The following XYLT1 variants were observed in gnomAD, a reference collection of about 807,000 sequenced individuals.
The protein encoded by XYLT1 is beta-D-xylosyltransferase 1.
Under a neutral mutation model 91.3 loss-of-function variants are expected in XYLT1, and 36 were observed. That is an observed-to-expected ratio of 0.39 (90% confidence interval 0.30 to 0.52). The LOEUF is 0.52. Among genes scored for constraint, XYLT1 ranks in the 20% least tolerant of loss-of-function variants. The pLI is 0.68. For synonymous variants in XYLT1, 588 were observed against 532.0 expected (o/e 1.11, Z -1.45); for missense variants, 1,242 against 1,284.5 (o/e 0.97, Z 0.51).
At chr16:17,134,246 G>A (rs1007283792) in intron 9 of XYLT1, among the ~76,000 whole-genome samples, 4 of 152,138 alleles carry the variant, frequency 2.6e-5, no homozygotes, top group Non-Finnish European at 4.4e-5. Context: ...TAAAATCATT[G>A]GGTACATAGG....
intron 1 of XYLT1, among the ~76,000 whole-genome samples, chr16:17,379,757 TCTCTCTCACACACA>T (rs2035650598): frequency 7.7e-6 from 1 of 129,924 alleles, no homozygotes; most frequent in Non-Finnish European, 1.6e-5. Flanking sequence ...TCTCTCTCTC[TCTCTCTCACACACA>T]CACACACACA....
intron 2 of XYLT1, among the ~76,000 whole-genome samples, chr16:17,307,311 G>A (rs938085044): frequency 2.0e-5 from 3 of 152,144 alleles, no homozygotes; most frequent in Non-Finnish European, 2.9e-5. Context: ...TCCTGACCTC[G>A]TGATCGGCCC....
Position 17,141,317 on chromosome 16 carries a change from T to A in XYLT1, c.1423A>T (p.Met475Leu). Residue 475 changes from methionine (M) to leucine (L), a missense_variant, in exon 7 of 12, where the codon ATG becomes TTG. Around this residue, in one of 3 missense-constraint regions of XYLT1, gnomAD observed 294 missense variants for 376.0 expected, o/e 0.78. Coordinates refer to ENST00000261381, the MANE Select transcript of XYLT1 (RefSeq NM_022166.4). ...ATCCGCCGATCTCCCAGGCGCCACA[T>A]GTGAGCGTCGCACTCCAGGAAGAGC... is the stretch of plus-strand genomic sequence containing the variant. ...DRLFLECDAH[M>L]WRLGDRRIPE... The A allele has an allele frequency of 1.2e-6, 2 of 1,614,116 alleles. No homozygotes were observed. Among genetic ancestry groups the A allele is most frequent in the Non-Finnish European group, 1.7e-6 (2 of 1,180,014 alleles).
At position 17,264,149 on chromosome 16, in the gene XYLT1, ACAG is replaced by A. The variant is rs2141764526; in HGVS notation, c.403-4654_403-4652del. On this transcript the variant is annotated intron_variant, in intron 2 of 11. Coordinates refer to ENST00000261381, the MANE Select transcript of XYLT1 (RefSeq NM_022166.4). The stretch of plus-strand genomic sequence containing the variant: ...ACTATATTGTTGGCTATAGTACTGC[ACAG>A]CAGGTCTCTATGGCTTCTTCATTGT... Among the ~76,000 whole-genome samples, 2 of 152,306 alleles carry A rather than the reference ACAG, an allele frequency of 1.3e-5. 1 individual carries two copies. Among genetic ancestry groups the A allele is most frequent in the South Asian group, 4.1e-4 (2 of 4,820 alleles).
At chr16:17,164,403 T>C (rs1392836283) in intron 5 of XYLT1, among the ~76,000 whole-genome samples, 1 of 152,116 alleles carries the variant, frequency 6.6e-6, no homozygotes, top group Admixed American at 6.6e-5. Flanking sequence ...TTAACCATTT[T>C]TCAGTGTACA....
At position 17,312,626 on chromosome 16, in the gene XYLT1, G is replaced by T. The variant is rs532879632; in HGVS notation, c.402+45386C>A. Reference sequence around the variant, plus strand: ...GTACAATACTGTTAACGGGACTGCAGATTTTGTTTTTGTTTTCACCCATTT... The same window carrying T: ...GTACAATACTGTTAACGGGACTGCATATTTTGTTTTTGTTTTCACCCATTT... On this transcript the variant is annotated intron_variant, in intron 2 of 11. Transcript: ENST00000261381. This position sits in a 1 kb window ranked among gnomAD's most constrained non-coding sequence, Gnocchi z 4.4. Among the ~76,000 whole-genome samples, 1 of 152,154 alleles carries T rather than the reference G, an allele frequency of 6.6e-6. No homozygotes were observed. Among genetic ancestry groups the T allele is most frequent in the Non-Finnish European group, 1.5e-5 (1 of 68,024 alleles).
chr16:17,428,391 C>G lies in XYLT1; in HGVS notation c.363+42043G>C, dbSNP rs550116888. Among the ~76,000 whole-genome samples the G allele has an allele frequency of 3.3e-5, 5 of 152,258 alleles. No individual in the cohort carries two copies. The South Asian group carries it at 1.0e-3, about 32-fold the overall frequency. ...GACCCTGTCACTTTCCAGCTGTGTG[C>G]TCTTGACCATGTTAAATCTGAGAGC... On this transcript the variant is annotated intron_variant, in intron 1 of 11. Coordinates refer to ENST00000261381, the MANE Select transcript of XYLT1 (RefSeq NM_022166.4).
chr16:17,403,698 A>T (rs2035995480), intron 1 of XYLT1, among the ~76,000 whole-genome samples: 1 of 152,124 alleles, frequency 6.6e-6, no homozygotes, highest in Admixed American at 6.5e-5. Context: ...TCAAGAAGAG[A>T]CTTGGGTGTG....
chr16:17,458,345 G>C lies in XYLT1; in HGVS notation c.363+12089C>G, dbSNP rs545080603. Among the ~76,000 whole-genome samples, 13 of 152,236 alleles carry C rather than the reference G, an allele frequency of 8.5e-5. No individual in the cohort carries two copies. In the East Asian group the frequency reaches 2.5e-3, roughly 29 times the overall value. On this transcript the variant is annotated intron_variant, in intron 1 of 11. Transcript: ENST00000261381. ...CATGCTAATTTCATGTCCAACACTTGGGGGAATAGAGTACAAATACTCAAC... is the reference window on the plus strand; with the variant it reads ...CATGCTAATTTCATGTCCAACACTTCGGGGAATAGAGTACAAATACTCAAC...
In XYLT1 at chr16:17,120,521, G is replaced by A. The variant is rs541645608; in HGVS notation, c.2224-2542C>T. ...TCTCTGGACCGGTCTACCTTTCCCC[G>A]CATCCTCCAGGCCACCTCAAACTTG... is the stretch of plus-strand genomic sequence containing the variant. On this transcript the variant is annotated intron_variant, in intron 10 of 11. Coordinates refer to ENST00000261381, the MANE Select transcript of XYLT1 (RefSeq NM_022166.4). 7.2e-5 allele frequency among the ~76,000 whole-genome samples: 11 copies of A among 151,982 alleles called. No individual in the cohort carries two copies. The East Asian group carries it at 1.2e-3, about 16-fold the overall frequency.
chr16:17,149,347 A>G (rs991286905), intron 6 of XYLT1, among the ~76,000 whole-genome samples: 2 of 152,190 alleles, frequency 1.3e-5, no homozygotes, highest in Admixed American at 1.3e-4. Flanking sequence ...GCAAGAAGGA[A>G]TCTTCACAAG....
intron 2 of XYLT1, among the ~76,000 whole-genome samples, chr16:17,354,148 C>T (rs758911163): frequency 1.3e-5 from 2 of 152,066 alleles, no homozygotes; most frequent in Non-Finnish European, 2.9e-5. Context: ...TGGCAGTCAC[C>T]ATCTGGAGAC....
intron 2 of XYLT1, among the ~76,000 whole-genome samples, chr16:17,342,413 G>T (rs1567383243): frequency 6.6e-6 from 1 of 152,024 alleles, no homozygotes; most frequent in African/African-American, 2.4e-5. Flanking sequence ...ATCGCCATCT[G>T]ACATGACATA....
chr16:17,199,930 C>T (rs1411633248), intron 4 of XYLT1, among the ~76,000 whole-genome samples: 1 of 151,868 alleles, frequency 6.6e-6, no homozygotes, highest in Admixed American at 6.6e-5. Context: ...AGGTAAGAAA[C>T]AGCATTTAGG....
At chr16:17,435,686 C>T (rs2036448942) in intron 1 of XYLT1, among the ~76,000 whole-genome samples, 1 of 152,144 alleles carries the variant, frequency 6.6e-6, no homozygotes, top group South Asian at 2.1e-4. Context: ...ATGTGCCAGG[C>T]TCCAGCAGGT....
intron 9 of XYLT1, among the ~76,000 whole-genome samples, chr16:17,130,411 GA>G (rs1597139015): frequency 6.6e-6 from 1 of 152,216 alleles, no homozygotes; most frequent in East Asian, 1.9e-4. Flanking sequence ...CAAAGGAAGA[GA>G]GTGTTTCCAG....
intron 6 of XYLT1, among the ~76,000 whole-genome samples, chr16:17,142,930 C>G (rs770210316): frequency 6.6e-6 from 1 of 152,180 alleles, no homozygotes; most frequent in African/African-American, 2.4e-5. Context: ...AAAAAGATAT[C>G]ATTTTCTTCT....
chr16:17,405,454 G>A (rs1412304780), intron 1 of XYLT1, among the ~76,000 whole-genome samples: 2 of 152,172 alleles, frequency 1.3e-5, no homozygotes, highest in African/African-American at 2.4e-5. Flanking sequence ...ACCCAAAGAC[G>A]AGAACTCTGC....
At chr16:17,213,265 T>C (rs2032796399) in intron 3 of XYLT1, among the ~76,000 whole-genome samples, 2 of 152,216 alleles carry the variant, frequency 1.3e-5, no homozygotes, top group South Asian at 4.1e-4. Flanking sequence ...ACCACAATTG[T>C]AAGTTTCCTG....
Sources: gnomAD v4.1 joint callset for allele counts (sites outside exome capture counted in the v4.1 genomes callset) on GRCh38, gnomAD v4.1.1 for gene constraint, gnomAD v4.1.1 regional missense constraint, Gnocchi (gnomAD v3.1) non-coding constraint, MANE v1.5 for transcripts, NCBI Gene and HGNC (gene_info 2026-07-23, HGNC 2026-07-21) for gene names.